KIF26B: variants seen among roughly 807,000 people sequenced by gnomAD.
KIF26B encodes the protein kinesin-like protein KIF26B.
In KIF26B, 63 loss-of-function variants were observed where a neutral mutation model predicts 151.2. That is an observed-to-expected ratio of 0.42 (90% CI 0.34 to 0.51). The LOEUF is 0.51. Ranked by LOEUF, KIF26B falls within the 20% of genes least tolerant of loss-of-function variation. The probability of loss-of-function intolerance (pLI) is 0.07; values close to 1 mark genes in which losing one functional copy is unlikely to be tolerated. For missense variants in KIF26B, 2,813 were observed against 2,913.6 expected (o/e 0.97, Z 0.79); for synonymous variants, 1,357 against 1,262.1 (o/e 1.08, Z -1.59).
intron 10 of KIF26B, among the ~76,000 whole-genome samples, chr1:245,664,588 G>A (rs1036949704): frequency 5.9e-5 from 9 of 152,006 alleles, no homozygotes; most frequent in East Asian, 1.9e-4. Context: ...TGACACAGCC[G>A]TCTATATTGG....
intron 2 of KIF26B, among the ~76,000 whole-genome samples, chr1:245,281,304 G>A (rs1332070746): frequency 1.4e-5 from 1 of 71,776 alleles, no homozygotes; most frequent in Non-Finnish European, 2.6e-5. Context: ...ATTCTAACTG[G>A]TGTGAGATGG....
chr1:245,279,050 C>A (rs758749509), intron 2 of KIF26B, among the ~76,000 whole-genome samples: 3 of 152,154 alleles, frequency 2.0e-5, no homozygotes, highest in Non-Finnish European at 4.4e-5. Context: ...AAGCCTCTGT[C>A]ATGCTTACGG....
rs373700908 is a variant in KIF26B at position 245,686,316 on chromosome 1, C to T, written c.3333C>T (p.Ser1111=). ...PAPLPPSSKD[S]GVASRESLLQ... ...CACTGCCTCCCTCGAGCAAGGATTCCGGCGTGGCGTCTAGGGAGTCCTTGC... is the reference window on the plus strand; with the variant it reads ...CACTGCCTCCCTCGAGCAAGGATTCTGGCGTGGCGTCTAGGGAGTCCTTGC... Residue 1111 remains serine (S), a synonymous_variant, in exon 12 of 15, where the codon TCC becomes TCT. Coordinates refer to ENST00000407071, the MANE Select transcript of KIF26B (RefSeq NM_018012.4). This position sits in a 1 kb window ranked among gnomAD's most constrained non-coding sequence, Gnocchi z 5.6. 1.2e-5 allele frequency: 20 copies of T among 1,613,056 alleles called. No homozygotes were observed. The highest frequency in any genetic ancestry group is 1.0e-4 in the Admixed American group (6 of 60,002).
chr1:245,637,007 A>C (rs955871870), intron 9 of KIF26B, among the ~76,000 whole-genome samples: 3 of 151,944 alleles, frequency 2.0e-5, no homozygotes, highest in African/African-American at 7.3e-5. Flanking sequence ...TGATATACTG[A>C]TTTCTTTTAC....
chr1:245,309,215 G>A (rs1399397428), intron 2 of KIF26B, among the ~76,000 whole-genome samples: 2 of 152,172 alleles, frequency 1.3e-5, no homozygotes, highest in Non-Finnish European at 2.9e-5. Context: ...TGTCAATGAC[G>A]TTGTGATGGT....
chr1:245,571,869 G>A (rs941521602), intron 5 of KIF26B, among the ~76,000 whole-genome samples: 2 of 152,152 alleles, frequency 1.3e-5, no homozygotes, highest in African/African-American at 4.8e-5. Context: ...GAAATCAGGC[G>A]CTTGTAAGAG....
intron 4 of KIF26B, among the ~76,000 whole-genome samples, chr1:245,522,165 G>A (rs575756566): frequency 2.0e-3 from 309 of 152,180 alleles, no homozygotes; most frequent in African/African-American, 6.7e-3. Flanking sequence ...CACCGCGCCC[G>A]GCCTGGTCCA....
At chr1:245,300,957 G>A (rs1220710936) in intron 2 of KIF26B, among the ~76,000 whole-genome samples, 3 of 151,328 alleles carry the variant, frequency 2.0e-5, no homozygotes, top group Non-Finnish European at 2.9e-5. Flanking sequence ...CAGCCCCCCA[G>A]TAGCTGGGAT....
intron 4 of KIF26B, among the ~76,000 whole-genome samples, chr1:245,452,214 T>G (rs1475348190): frequency 6.6e-6 from 1 of 152,234 alleles, no homozygotes; most frequent in Non-Finnish European, 1.5e-5. Flanking sequence ...TTTATTTCAC[T>G]TAGCATAATA....
chr1:245,531,301 C>T (rs761616489), intron 4 of KIF26B, among the ~76,000 whole-genome samples: 4 of 152,072 alleles, frequency 2.6e-5, no homozygotes, highest in Non-Finnish European at 4.4e-5. Context: ...CCAAAATTAA[C>T]ATGATGTAGT....
At chr1:245,692,487 G>A (rs754467533) in intron 12 of KIF26B, among the ~76,000 whole-genome samples, 4 of 152,108 alleles carry the variant, frequency 2.6e-5, no homozygotes, top group Non-Finnish European at 4.4e-5. Context: ...GCAGGGCATC[G>A]AGGCTGAGGC....
At chr1:245,536,494 G>C (rs768816633) in intron 4 of KIF26B, among the ~76,000 whole-genome samples, 133 of 152,278 alleles carry the variant, frequency 8.7e-4, no homozygotes, top group Non-Finnish European at 1.7e-3. Context: ...CAAGATAATA[G>C]GTGTCATGGT....
chr1:245,246,548 C>T (rs1016543479), intron 2 of KIF26B, among the ~76,000 whole-genome samples: 1 of 152,156 alleles, frequency 6.6e-6, no homozygotes, highest in Non-Finnish European at 1.5e-5. Context: ...CACAAATCAG[C>T]AATGAAAGCG....
rs1668641509 is a variant in KIF26B at position 245,167,983 on chromosome 1, C to G, written c.465+11300C>G. ...AGGTGAAAAAGGACTGTCCTTGGAT[C>G]TGGGGACAGAGGTGCAGTCCTGCTT... On this transcript the variant is annotated intron_variant, in intron 2 of 14. Transcript: ENST00000407071. This position sits in a 1 kb window ranked among gnomAD's most constrained non-coding sequence, Gnocchi z 4.2. Among the ~76,000 whole-genome samples, 6 of 152,306 alleles carry G rather than the reference C, an allele frequency of 3.9e-5. 1 individual carries two copies. In the South Asian group the frequency reaches 1.2e-3, roughly 32 times the overall value.
At chr1:245,664,545 A>T (rs1193806462) in intron 10 of KIF26B, among the ~76,000 whole-genome samples, 8 of 152,134 alleles carry the variant, frequency 5.3e-5, no homozygotes, top group Non-Finnish European at 8.8e-5. Context: ...AGGGACACTT[A>T]ATTATTATTA....
chr1:245,293,405 C>T (rs117872029), intron 2 of KIF26B, among the ~76,000 whole-genome samples: 3 of 151,918 alleles, frequency 2.0e-5, no homozygotes, highest in Non-Finnish European at 4.4e-5. Flanking sequence ...AAATGACCAG[C>T]GTGGACTCTG....
At chr1:245,581,470 GTGTT>G (rs1201207063) in intron 5 of KIF26B, among the ~76,000 whole-genome samples, 2 of 152,202 alleles carry the variant, frequency 1.3e-5, no homozygotes, top group Non-Finnish European at 2.9e-5. Flanking sequence ...AAGCTTGCGT[GTGTT>G]TGTTTCAAAG....
chr1:245,244,680 G>A lies in KIF26B; in HGVS notation c.465+87997G>A, dbSNP rs984309819. ...CTCTGTCCTCTCTCTTCATACTGTT[G>A]TCTTAGGTGTTCCTTGTAACCAGAC... On this transcript the variant is annotated intron_variant, in intron 2 of 14. Coordinates refer to ENST00000407071, the MANE Select transcript of KIF26B (RefSeq NM_018012.4). The surrounding 1 kb of genome is among the most constrained non-coding windows in gnomAD (Gnocchi z 4.2). 6.6e-6 allele frequency among the ~76,000 whole-genome samples: 1 copy of A among 151,322 alleles called. No individual in the cohort carries two copies. Among genetic ancestry groups the A allele is most frequent in the Non-Finnish European group, 1.5e-5 (1 of 67,924 alleles).
At chr1:245,185,392 ATACT>A (rs1394927581) in intron 2 of KIF26B, among the ~76,000 whole-genome samples, 1 of 152,098 alleles carries the variant, frequency 6.6e-6, no homozygotes, top group African/African-American at 2.4e-5. Context: ...GGTGGCGGAG[ATACT>A]TAATGAAACC....
Sources: gnomAD v4.1 joint callset for allele counts (sites outside exome capture counted in the v4.1 genomes callset) on GRCh38, gnomAD v4.1.1 for gene constraint, Gnocchi (gnomAD v3.1) non-coding constraint, MANE v1.5 for transcripts, NCBI Gene and HGNC (gene_info 2026-07-23, HGNC 2026-07-21) for gene names.